NUP93: variants seen among roughly 807,000 people sequenced by gnomAD.
NUP93 encodes the protein nuclear pore complex protein Nup93.
In NUP93, 55 loss-of-function variants were observed where a neutral mutation model predicts 107.8. The observed-to-expected ratio is 0.51, with a 90% CI of 0.41 to 0.64. NUP93 has a LOEUF of 0.64. NUP93 is among the 30% of genes least tolerant of loss of function. The probability of loss-of-function intolerance (pLI) is 0.00; values close to 1 mark genes in which losing one functional copy is unlikely to be tolerated. For synonymous variants in NUP93, 390 were observed against 397.5 expected (o/e 0.98, Z 0.22); for missense variants, 937 against 1,044.7 (o/e 0.90, Z 1.42).
intron 3 of NUP93, among the ~76,000 whole-genome samples, chr16:56,786,131 C>T (rs1962622410): frequency 6.6e-6 from 1 of 152,014 alleles, no homozygotes; most frequent in African/African-American, 2.4e-5. Context: ...CCTTCAAAAA[C>T]AAAGCTTATT....
At chr16:56,838,801 G>A in intron 18 of NUP93, 151 bp from the exon 19 acceptor site, 1 of 654,564 alleles carries the variant, frequency 1.5e-6, no homozygotes, top group Admixed American at 2.5e-5. Flanking sequence ...CTGGCCTCAA[G>A]CAATCCTTCC....
chr16:56,816,390 T>C (rs961833433), intron 5 of NUP93, among the ~76,000 whole-genome samples: 1 of 152,180 alleles, frequency 6.6e-6, no homozygotes, highest in Non-Finnish European at 1.5e-5. Flanking sequence ...CCTACCAAGA[T>C]GTCTGCAGGT....
At position 56,833,407 on chromosome 16, in the gene NUP93, G is replaced by T; in HGVS notation, c.1537+1G>T. The T allele has an allele frequency of 6.6e-7, 1 of 1,519,100 alleles. No individual in the cohort carries two copies. The highest frequency in any genetic ancestry group is 8.8e-7 in the Non-Finnish European group (1 of 1,140,808). 94.1% of individuals were successfully genotyped at this position (1,519,100 alleles called of 1,614,324 possible). On this transcript the variant is annotated splice_donor_variant, in intron 13 of 21. Coordinates refer to ENST00000308159, the MANE Select transcript of NUP93 (RefSeq NM_014669.5). LOFTEE classifies it high-confidence loss of function. ...TCCTCTGGACAGAGTGCTCAGCTCC[G>T]TGAGTATTTGGGATTGGATTGACAG...
intron 3 of NUP93, among the ~76,000 whole-genome samples, chr16:56,774,384 A>G (rs1035013790): frequency 1.3e-5 from 2 of 151,856 alleles, no homozygotes; most frequent in African/African-American, 2.4e-5. Context: ...TCTCATTCTC[A>G]TTTTGTTCAC....
intron 11 of NUP93, 135 bp downstream of exon 11, chr16:56,832,142 A>AT (rs147569850): frequency 0.093 from 116,703 of 1,252,602 alleles, 6,068 homozygotes; most frequent in East Asian, 0.15. Flanking sequence ...TCCTGTCCCC[A>AT]TTTTTTGTTG....
chr16:56,796,582 C>T (rs754607755), intron 3 of NUP93, among the ~76,000 whole-genome samples: 9 of 152,212 alleles, frequency 5.9e-5, no homozygotes, highest in Admixed American at 1.3e-4. Context: ...CATGACAGTA[C>T]GTTTCCAATG....
chr16:56,767,582 A>G (rs1340807701), intron 3 of NUP93, among the ~76,000 whole-genome samples: 2 of 152,166 alleles, frequency 1.3e-5, no homozygotes, highest in African/African-American at 2.4e-5. Context: ...AAAATAGTCT[A>G]TTTTAAAATG....
At chr16:56,754,668 A>T (rs976447965) in intron 2 of NUP93, among the ~76,000 whole-genome samples, 1 of 152,224 alleles carries the variant, frequency 6.6e-6, no homozygotes, top group Admixed American at 6.5e-5. Flanking sequence ...TTTTCTAGGC[A>T]CATGGTGCAA....
At chr16:56,794,074 G>GTAGGTAGGTAGGTAGATAGATAGATAGA (rs1567391345) in intron 3 of NUP93, among the ~76,000 whole-genome samples, 6 of 56,096 alleles carry the variant, frequency 1.1e-4, no homozygotes, top group Non-Finnish European at 1.8e-4. Context: ...AGATAGATAG[G>GTAGGTAGGTAGGTAGATAGATAGATAGA]TAGGTAGGTA....
intron 21 of NUP93, among the ~76,000 whole-genome samples, chr16:56,843,743 C>T (rs1204736052): frequency 6.6e-6 from 1 of 152,218 alleles, no homozygotes; most frequent in Non-Finnish European, 1.5e-5. Context: ...AGGTAAAAAG[C>T]ATTTGCTTTT....
At chr16:56,746,270 C>T (rs1961819294) in intron 1 of NUP93, among the ~76,000 whole-genome samples, 1 of 152,094 alleles carries the variant, frequency 6.6e-6, no homozygotes, top group Non-Finnish European at 1.5e-5. Context: ...CTTGAACATT[C>T]CTGAGAAAAC....
rs188761076 is a variant in NUP93, at chr16:56,817,553, A to G, written c.490-1111A>G. ...TTTGATCTCTGCTATGCTACAGTAC[A>G]AACTAGTCAGTGGGAACTTAAGAAT... On this transcript the variant is annotated intron_variant, in intron 5 of 21. Transcript: ENST00000308159. Among the ~76,000 whole-genome samples the G allele has an allele frequency of 5.1e-3, 770 of 152,348 alleles. 2 individuals are homozygous for G. Among genetic ancestry groups the G allele is most frequent in the Middle Eastern group, 0.031 (9 of 294 alleles).
intron 3 of NUP93, among the ~76,000 whole-genome samples, chr16:56,769,310 G>A (rs1962277139): frequency 6.6e-6 from 1 of 152,200 alleles, no homozygotes; most frequent in Non-Finnish European, 1.5e-5. Flanking sequence ...CTTTTGAATG[G>A]ATGTGGTAGG....
chr16:56,838,191 G>A (rs546966003), intron 18 of NUP93, among the ~76,000 whole-genome samples: 2 of 152,322 alleles, frequency 1.3e-5, no homozygotes, highest in South Asian at 4.1e-4. Context: ...CCAGGCTGAA[G>A]CTAACAACAT....
chr16:56,754,545 A>C (rs1173121714), intron 2 of NUP93, among the ~76,000 whole-genome samples: 3 of 152,232 alleles, frequency 2.0e-5, no homozygotes, highest in Non-Finnish European at 2.9e-5. Flanking sequence ...AAATGTTCCC[A>C]TTCCAAAAGG....
chr16:56,840,996 CA>C lies in NUP93; in HGVS notation c.2221-692del, dbSNP rs11428485. Among the ~76,000 whole-genome samples the C allele has an allele frequency of 6.0e-3, 592 of 98,088 alleles. 8 individuals carry two copies. Among genetic ancestry groups the C allele is most frequent in the East Asian group, 0.058 (211 of 3,618 alleles). 64.3% of individuals were successfully genotyped at this position (98,088 alleles called of 152,430 possible). On this transcript the variant is annotated intron_variant, in intron 20 of 21. Coordinates refer to ENST00000308159, the MANE Select transcript of NUP93 (RefSeq NM_014669.5). ...TGGGCGATAGAGGGAGACTTTGTCTCAAAAAAAAAAAAAAAAAGTTTCTATT... is the reference window on the plus strand; with the variant it reads ...TGGGCGATAGAGGGAGACTTTGTCTCAAAAAAAAAAAAAAAAGTTTCTATT...
At position 56,807,284 on chromosome 16, in the gene NUP93, G is replaced by A. The variant is rs1044315939; in HGVS notation, c.489+1652G>A. ...CATGGCAGTCTCTCTCACTTCCTTC[G>A]GATATTTACCCATTGCCATCTCAGA... On this transcript the variant is annotated intron_variant, in intron 5 of 21. Coordinates refer to ENST00000308159, the MANE Select transcript of NUP93 (RefSeq NM_014669.5). Among the ~76,000 whole-genome samples, 10 of 152,102 alleles carry A rather than the reference G, an allele frequency of 6.6e-5. No homozygotes were observed. In the East Asian group the frequency reaches 9.6e-4, roughly 15 times the overall value.
chr16:56,757,479 A>G (rs1482679481), intron 2 of NUP93, among the ~76,000 whole-genome samples: 1 of 152,076 alleles, frequency 6.6e-6, no homozygotes, highest in Non-Finnish European at 1.5e-5. Flanking sequence ...ACCAGACTAG[A>G]CCCGACCCGA....
intron 5 of NUP93, among the ~76,000 whole-genome samples, chr16:56,808,109 A>C (rs1304150221): frequency 7.5e-6 from 1 of 132,496 alleles, no homozygotes; most frequent in Non-Finnish European, 1.6e-5. Flanking sequence ...ACACATATAA[A>C]TATATATTAT....
Sources: gnomAD v4.1 joint callset for allele counts (sites outside exome capture counted in the v4.1 genomes callset) on GRCh38, gnomAD v4.1.1 for gene constraint, MANE v1.5 for transcripts, NCBI Gene and HGNC (gene_info 2026-07-23, HGNC 2026-07-21) for gene names.